The following SUCLG2 variants were observed in gnomAD, a reference collection of about 807,000 sequenced individuals.
The protein encoded by SUCLG2 is succinate--CoA ligase [GDP-forming] subunit beta, mitochondrial.
In SUCLG2, 42 loss-of-function variants were observed where a neutral mutation model predicts 47.9. That is an observed-to-expected ratio of 0.88 (90% CI 0.69 to 1.14). SUCLG2 has a LOEUF of 1.14. Ranked by LOEUF, SUCLG2 falls within the 50% of genes most tolerant of loss-of-function variation. SUCLG2 has a pLI of 0.00. For synonymous variants in SUCLG2, 195 were observed against 197.3 expected (o/e 0.99, Z 0.10); for missense variants, 571 against 525.9 (o/e 1.09, Z -0.84).
At chr3:67,391,164 T>G (rs1702371810) in intron 10 of SUCLG2, among the ~76,000 whole-genome samples, 1 of 152,224 alleles carries the variant, frequency 6.6e-6, no homozygotes, top group South Asian at 2.1e-4. Context: ...CCCCCTTCAT[T>G]CTTACAAATC....
chr3:67,550,969 GCTTATA>G (rs1322733706), intron 2 of SUCLG2, among the ~76,000 whole-genome samples: 4 of 152,166 alleles, frequency 2.6e-5, no homozygotes, highest in African/African-American at 7.2e-5. Context: ...GTGTATACTG[GCTTATA>G]CTTATACATA....
At chr3:67,626,691 A>C (rs1335104934) in intron 1 of SUCLG2, among the ~76,000 whole-genome samples, 4 of 152,054 alleles carry the variant, frequency 2.6e-5, no homozygotes, top group Admixed American at 6.5e-5. Context: ...AAAGCGGGTG[A>C]ATCACGAGGT....
At chr3:67,469,584 C>T (rs1407430036) in intron 9 of SUCLG2, among the ~76,000 whole-genome samples, 1 of 149,948 alleles carries the variant, frequency 6.7e-6, no homozygotes, top group Non-Finnish European at 1.5e-5. Flanking sequence ...CAAAAATTAG[C>T]TGGGTGTGGT....
At chr3:67,481,208 T>C (rs976005371) in intron 9 of SUCLG2, among the ~76,000 whole-genome samples, 1 of 152,214 alleles carries the variant, frequency 6.6e-6, no homozygotes, top group Non-Finnish European at 1.5e-5. Flanking sequence ...TAATTAGCAA[T>C]ACAAGTTTCT....
chr3:67,524,261 T>C (rs767026426), intron 4 of SUCLG2, among the ~76,000 whole-genome samples: 7 of 152,218 alleles, frequency 4.6e-5, no homozygotes, highest in Admixed American at 6.5e-5. Context: ...ACACATCGTC[T>C]TTGTGGAGTC....
chr3:67,418,503 T>G (rs1345457390), intron 9 of SUCLG2, among the ~76,000 whole-genome samples: 1 of 152,158 alleles, frequency 6.6e-6, no homozygotes. Flanking sequence ...GCTGTTCTGG[T>G]GAACAGTAAG....
intron 1 of SUCLG2, among the ~76,000 whole-genome samples, chr3:67,618,301 T>C (rs925342236): frequency 6.6e-6 from 1 of 152,048 alleles, no homozygotes; most frequent in African/African-American, 2.4e-5. Context: ...GTGCCTGTAG[T>C]CCCAGCTACA....
rs556062114 is a variant in SUCLG2, at chr3:67,386,245, C to T, written c.1184-10386G>A. On this transcript the variant is annotated intron_variant, in intron 10 of 10. Transcript: ENST00000307227. ...TTGGGACTACAGGCGCCCGCCACCA[C>T]GCCCGGCTAATTTTTTTTTTTTTTT... 5.4e-5 allele frequency among the ~76,000 whole-genome samples: 8 copies of T among 148,528 alleles called. No homozygotes were observed. The South Asian group carries it at 6.4e-4, about 12-fold the overall frequency.
chr3:67,400,888 T>G, intron 9 of SUCLG2, 37 bp from the exon 10 acceptor site: 1 of 1,611,038 alleles, frequency 6.2e-7, no homozygotes, highest in Non-Finnish European at 8.5e-7. Flanking sequence ...ATCAAAATGC[T>G]GATCGCCAAC....
chr3:67,597,212 G>A (rs569223238), intron 2 of SUCLG2, among the ~76,000 whole-genome samples: 24 of 152,296 alleles, frequency 1.6e-4, no homozygotes, highest in Non-Finnish European at 5.9e-5. Flanking sequence ...CAAAGACACC[G>A]AGTTGATGTG....
chr3:67,380,254 C>T (rs1476008602), intron 10 of SUCLG2, among the ~76,000 whole-genome samples: 2 of 150,974 alleles, frequency 1.3e-5, no homozygotes, highest in Non-Finnish European at 2.9e-5. Flanking sequence ...GAAGAGCTGG[C>T]TGTGCTCACT....
intron 9 of SUCLG2, chr3:67,408,992 T>G (rs776143600): frequency 2.6e-6 from 4 of 1,535,366 alleles, no homozygotes; most frequent in Non-Finnish European, 2.6e-6. Flanking sequence ...TTCTGAGTCC[T>G]GTATTCTGGT....
chr3:67,551,993 C>T (rs1707026619), intron 2 of SUCLG2, among the ~76,000 whole-genome samples: 1 of 152,064 alleles, frequency 6.6e-6, no homozygotes, highest in South Asian at 2.1e-4. Context: ...CCTATTCAAG[C>T]TCAGGTGAAT....
chr3:67,432,157 G>C (rs1425725699), intron 9 of SUCLG2, among the ~76,000 whole-genome samples: 3 of 152,190 alleles, frequency 2.0e-5, no homozygotes, highest in African/African-American at 7.2e-5. Flanking sequence ...ACTACCTTTT[G>C]AAGTACACGC....
intron 2 of SUCLG2, among the ~76,000 whole-genome samples, chr3:67,537,580 C>T (rs535467593): frequency 7.9e-5 from 12 of 152,240 alleles, no homozygotes; most frequent in East Asian, 3.9e-4. Context: ...TTTGGGTATA[C>T]GCCCAGTAAT....
chr3:67,528,520 T>A (rs1411296785), intron 3 of SUCLG2, among the ~76,000 whole-genome samples: 1 of 152,136 alleles, frequency 6.6e-6, no homozygotes, highest in Non-Finnish European at 1.5e-5. Context: ...CAGATTCAGA[T>A]AAGGGTTGAC....
chr3:67,560,741 C>G (rs770934463), intron 2 of SUCLG2, among the ~76,000 whole-genome samples: 55 of 151,976 alleles, frequency 3.6e-4, no homozygotes, highest in Non-Finnish European at 4.3e-4. Context: ...AGTGCCTCCT[C>G]CAAGTAACTC....
At chr3:67,392,872 T>G (rs1353218413) in intron 10 of SUCLG2, among the ~76,000 whole-genome samples, 1 of 152,016 alleles carries the variant, frequency 6.6e-6, no homozygotes, top group African/African-American at 2.4e-5. Flanking sequence ...TGGAGAATAT[T>G]GTCATGATCA....
intron 7 of SUCLG2, among the ~76,000 whole-genome samples, chr3:67,500,093 T>C (rs1209897481): frequency 6.6e-6 from 1 of 152,176 alleles, no homozygotes; most frequent in South Asian, 2.1e-4. Flanking sequence ...AATTTACAGA[T>C]ACTACCTATT....
Sources: gnomAD v4.1 joint callset for allele counts (sites outside exome capture counted in the v4.1 genomes callset) on GRCh38, gnomAD v4.1.1 for gene constraint, MANE v1.5 for transcripts, NCBI Gene and HGNC (gene_info 2026-07-23, HGNC 2026-07-21) for gene names.